Variants in LAYN observed in about 807,000 individuals in gnomAD.
LAYN encodes the protein layilin.
LAYN carries 38 observed loss-of-function variants against 43.6 expected under a neutral mutation model. The observed-to-expected ratio is 0.87, with a 90% CI of 0.67 to 1.14. LAYN has a LOEUF of 1.14. Among genes scored for constraint, LAYN ranks in the 50% most tolerant of loss-of-function variants. The pLI, the probability that LAYN is intolerant of heterozygous loss-of-function variation, is 0.00. For missense variants in LAYN, 479 were observed against 463.8 expected (o/e 1.03, Z -0.30); for synonymous variants, 168 against 172.9 (o/e 0.97, Z 0.22).
intron 1 of LAYN, among the ~76,000 whole-genome samples, chr11:111,542,523 C>G (rs543820959): frequency 6.6e-6 from 1 of 151,936 alleles, no homozygotes; most frequent in South Asian, 2.1e-4. Context: ...TGTCTGTGGC[C>G]CCTTGCCCTA....
chr11:111,545,912 G>T (rs533759562), intron 2 of LAYN, among the ~76,000 whole-genome samples: 1 of 152,290 alleles, frequency 6.6e-6, no homozygotes, highest in South Asian at 2.1e-4. Flanking sequence ...TGCTATGTTG[G>T]TGTCCTCAAG....
At chr11:111,558,325 C>A (rs185416150) in intron 6 of LAYN, among the ~76,000 whole-genome samples, 1 of 152,078 alleles carries the variant, frequency 6.6e-6, no homozygotes, top group African/African-American at 2.4e-5. Context: ...AACTAAGGCC[C>A]AATTTAAGAT....
At position 111,540,909 on chromosome 11, in the gene LAYN, G is replaced by A. The variant is rs1867521965; in HGVS notation, c.66G>A (p.Ala22=). The A allele has an allele frequency of 6.5e-7, 1 of 1,532,162 alleles. No individual in the cohort carries two copies. Among genetic ancestry groups the A allele is most frequent in the Non-Finnish European group, 8.7e-7 (1 of 1,145,676 alleles). 94.9% of individuals were successfully genotyped at this position (1,532,162 alleles called of 1,614,324 possible). A position where few individuals can be genotyped will look rare whatever the true frequency, so the allele number is the denominator to read the frequency against. The change falls in exon 1 of 7, where the codon GCG becomes GCA. Residue 22 remains alanine (A), a synonymous_variant. Coordinates refer to ENST00000375614, the MANE Select transcript of LAYN (RefSeq NM_178834.5). ...TGCTGCTGGTGGGGCTGCGGGCCGC[G>A]ACGGGTCGCCTGCTGAGTGGTGAGT... The part of the protein sequence containing the change: ...LAVLLVGLRA[A]TGRLLSGQPV...
Position 111,540,849 on chromosome 11 carries a change from G to A in LAYN, c.6G>A (p.Arg2=), listed in dbSNP as rs1188710359. The A allele has an allele frequency of 6.5e-7, 1 of 1,530,142 alleles. No individual in the cohort carries two copies. Among genetic ancestry groups the A allele is most frequent in the Non-Finnish European group, 8.7e-7 (1 of 1,144,714 alleles). The allele number at this position is 1,530,142 out of a possible 1,614,324, so 94.8% of individuals were successfully genotyped here. The change falls in exon 1 of 7, where the codon AGG becomes AGA. Residue 2 remains arginine (R), a synonymous_variant. Transcript: ENST00000375614. ...GGGCGCACCCGAGTCGGGCCATGAG[G>A]CCGGGAACCGCGCTACAGGCCGTGC... The part of the protein sequence containing the change: M[R]PGTALQAVLL...
At chr11:111,542,686 C>T (rs117895420) in intron 1 of LAYN, among the ~76,000 whole-genome samples, 2,552 of 152,340 alleles carry the variant, frequency 0.017, 44 homozygotes, top group Middle Eastern at 0.041. Context: ...AGTTCGCACC[C>T]ACAGCCCACA....
Position 111,560,293 on chromosome 11 carries a change from T to C in LAYN, c.960T>C (p.Ser320=), listed in dbSNP as rs761226107. Residue 320 remains serine (S), a synonymous_variant, in exon 7 of 7, where the codon TCT becomes TCC. Transcript: ENST00000375614. ...GAGAAGCCACTCCCGATGACATGTC[T>C]TGTGACTATGACAACATGGCTGTGA... ...CSGEATPDDM[S]CDYDNMAVNP... 5 of 1,614,228 alleles carry C rather than the reference T, an allele frequency of 3.1e-6. No individual in the cohort carries two copies. Among genetic ancestry groups the C allele is most frequent in the South Asian group, 2.2e-5 (2 of 91,088 alleles).
chr11:111,557,291 C>T (rs537852985), intron 5 of LAYN, among the ~76,000 whole-genome samples: 1 of 152,144 alleles, frequency 6.6e-6, no homozygotes, highest in Non-Finnish European at 1.5e-5. Flanking sequence ...GTAGAAAATG[C>T]TCATCCATCG....
At chr11:111,552,931 G>T (rs1288945229) in intron 3 of LAYN, among the ~76,000 whole-genome samples, 3 of 152,128 alleles carry the variant, frequency 2.0e-5, no homozygotes, top group African/African-American at 7.2e-5. Context: ...AATGTGTTTG[G>T]TTGAAATTCC....
chr11:111,553,620 T>TAAA (rs146406195), intron 3 of LAYN, among the ~76,000 whole-genome samples: 4 of 128,018 alleles, frequency 3.1e-5, no homozygotes, highest in African/African-American at 8.6e-5. Context: ...CTCTCTCACA[T>TAAA]AAAAAAAAAA....
chr11:111,543,583 T>A (rs1867586934), intron 1 of LAYN, among the ~76,000 whole-genome samples: 1 of 152,242 alleles, frequency 6.6e-6, no homozygotes, highest in Non-Finnish European at 1.5e-5. Context: ...GACTCCCTAA[T>A]GAAAGTGTTA....
At position 111,561,707 on chromosome 11, in the gene LAYN, G is replaced by A. The variant is rs1334092099; in HGVS notation, c.*1249G>A. 6.6e-6 allele frequency: 1 copy of A among 152,090 alleles called. No individual in the cohort carries two copies. Among genetic ancestry groups the A allele is most frequent in the East Asian group, 1.9e-4 (1 of 5,194 alleles). 9.4% of individuals were successfully genotyped at this position (152,090 alleles called of 1,614,324 possible). ...ATATGTCTTATTTTTTAATAGCTCA[G>A]CAACTTTGCTTCACATATGGAGCCC... is the stretch of plus-strand genomic sequence containing the variant. On this transcript the variant is annotated 3_prime_UTR_variant, in exon 7 of 7. Transcript: ENST00000375614.
At position 111,540,923 on chromosome 11, in the gene LAYN, T is replaced by C. The variant is rs1867522524; in HGVS notation, c.80T>C (p.Leu27Pro). ...CTGCGGGCCGCGACGGGTCGCCTGC[T>C]GAGTGGTGAGTGCGCGCGCTGGGGC... ...VGLRAATGRLLSGQPVCRGGT... is the reference protein window; with the variant it reads ...VGLRAATGRLPSGQPVCRGGT... Residue 27 changes from leucine to proline, a missense_variant, in exon 1 of 7, where the codon CTG (leucine) becomes CCG (proline). Leu to Pro is a moderately conservative substitution (Grantham distance 98). Transcript: ENST00000375614. 1 of 1,531,216 alleles carries C rather than the reference T, an allele frequency of 6.5e-7. No individual in the cohort carries two copies. The highest frequency in any genetic ancestry group is 2.5e-5 in the East Asian group (1 of 40,762). 94.9% of individuals were successfully genotyped at this position (1,531,216 alleles called of 1,614,324 possible).
At chr11:111,551,291 T>G (rs1867739856) in intron 3 of LAYN, 2 of 455,838 alleles carry the variant, frequency 4.4e-6, no homozygotes, top group African/African-American at 4.0e-5. Flanking sequence ...TTCTCTTTCC[T>G]TCTATCCTCT....
rs2135808431 is a variant in LAYN at position 111,560,780 on chromosome 11, G to A, written c.*322G>A. ...TACCTGGCAGTGATAAAGATGGGCT[G>A]TGGAGCTTGGAAAACCACCTCTGTT... On this transcript the variant is annotated 3_prime_UTR_variant, in exon 7 of 7. Coordinates refer to ENST00000375614, the MANE Select transcript of LAYN (RefSeq NM_178834.5). 1 of 275,630 alleles carries A rather than the reference G, an allele frequency of 3.6e-6. No homozygotes were observed. The highest frequency in any genetic ancestry group is 6.9e-6 in the Non-Finnish European group (1 of 145,476). The allele number at this position is 275,630 out of a possible 1,614,324, so 17.1% of individuals were successfully genotyped here.
chr11:111,557,563 C>T lies in LAYN; in HGVS notation c.681C>T (p.Tyr227=). The change falls in exon 6 of 7, where the codon TAC becomes TAT. Residue 227 remains tyrosine (Y), a synonymous_variant. Transcript: ENST00000375614. The stretch of plus-strand genomic sequence containing the variant: ...CAGAAGCTGCCTTGAATCTGGCCTA[C>T]ATCCTAATCCCCAGCATTCCCCTTC... The part of the protein sequence containing the change: ...ESREAALNLA[Y]ILIPSIPLLL... The T allele has an allele frequency of 6.2e-7, 1 of 1,614,052 alleles. No homozygotes were observed. Among genetic ancestry groups the T allele is most frequent in the African/African-American group, 1.3e-5 (1 of 75,050 alleles).
intron 2 of LAYN, among the ~76,000 whole-genome samples, chr11:111,547,663 T>G (rs1285143829): frequency 1.3e-5 from 2 of 152,214 alleles, no homozygotes; most frequent in African/African-American, 4.8e-5. Context: ...TTCCACTTGG[T>G]TGAGTTTGTG....
At chr11:111,542,400 G>A (rs1322383809) in intron 1 of LAYN, among the ~76,000 whole-genome samples, 1 of 152,236 alleles carries the variant, frequency 6.6e-6, no homozygotes, top group South Asian at 2.1e-4. Context: ...TGCTCATTGA[G>A]AATTCCTTTA....
Position 111,540,832 on chromosome 11 carries a change from C to T in LAYN, c.-12C>T, listed in dbSNP as rs1203578491. The T allele has an allele frequency of 4.6e-6, 7 of 1,521,816 alleles. No homozygotes were observed. Among genetic ancestry groups the T allele is most frequent in the Non-Finnish European group, 6.1e-6 (7 of 1,141,652 alleles). The allele number at this position is 1,521,816 out of a possible 1,614,324, so 94.3% of individuals were successfully genotyped here. On this transcript the variant is annotated 5_prime_UTR_variant, in exon 1 of 7. Transcript: ENST00000375614. ...AGCGCCCGAGTGTCGGGGGGCGCAC[C>T]CGAGTCGGGCCATGAGGCCGGGAAC...
At chr11:111,540,556 C>G, upstream of LAYN, 1 of 473,864 alleles carries the variant, frequency 2.1e-6, no homozygotes, top group Non-Finnish European at 3.7e-6. Flanking sequence ...GGAGCTGGTT[C>G]CCCTCTGCGA....
Sources: allele counts gnomAD v4.1 joint callset (sites outside exome capture counted in the v4.1 genomes callset), GRCh38; gene constraint gnomAD v4.1.1; transcripts MANE v1.5; gene names NCBI Gene and HGNC (gene_info 2026-07-23, HGNC 2026-07-21).